The following AKAP13 variants were observed in gnomAD, a reference collection of about 807,000 sequenced individuals.
AKAP13 encodes the protein A-kinase anchoring protein 13.
AKAP13 carries 80 observed loss-of-function variants against 264.5 expected under a neutral mutation model. The observed-to-expected ratio is 0.30, with a 90% confidence interval of 0.25 to 0.36. AKAP13 has a LOEUF of 0.36. AKAP13 is among the 10% of genes least tolerant of loss of function. AKAP13 has a pLI of 1.00. For missense variants in AKAP13, 3,712 were observed against 3,435.2 expected (o/e 1.08, Z -2.01); for synonymous variants, 1,380 against 1,250.2 (o/e 1.10, Z -2.19).
At chr15:85,421,603 ACT>A (rs2072526685) in intron 1 of AKAP13, among the ~76,000 whole-genome samples, 1 of 151,934 alleles carries the variant, frequency 6.6e-6, no homozygotes, top group Non-Finnish European at 1.5e-5. Context: ...GCCTGTGCAC[ACT>A]CTCAACTTTG....
chr15:85,568,673 C>T (rs982123531), intron 5 of AKAP13, among the ~76,000 whole-genome samples: 1 of 152,110 alleles, frequency 6.6e-6, no homozygotes. Flanking sequence ...TTCTGTGGCT[C>T]TTTGCTTTAT....
intron 1 of AKAP13, among the ~76,000 whole-genome samples, chr15:85,395,595 A>C (rs2150818772): frequency 6.6e-6 from 1 of 152,264 alleles, no homozygotes; most frequent in Admixed American, 6.5e-5. Context: ...GTGTTTATTT[A>C]TCTTTTTGAA....
intron 17 of AKAP13, chr15:85,702,178 G>T (rs201414125): frequency 2.0e-5 from 3 of 152,130 alleles, no homozygotes; most frequent in South Asian, 2.1e-4. Context: ...CCCGGGAGGC[G>T]GAGGTTACAG....
chr15:85,538,828 G>A (rs1187513974), intron 4 of AKAP13, among the ~76,000 whole-genome samples: 4 of 144,150 alleles, frequency 2.8e-5, no homozygotes, highest in Non-Finnish European at 6.1e-5. Context: ...AGCTACATTA[G>A]TGTTTGTGTA....
chr15:85,584,738 A>G (rs1476076950), intron 7 of AKAP13, among the ~76,000 whole-genome samples: 2 of 152,230 alleles, frequency 1.3e-5, no homozygotes, highest in African/African-American at 4.8e-5. Context: ...AAATCTTAAT[A>G]TAATTTATTC....
intron 5 of AKAP13, among the ~76,000 whole-genome samples, chr15:85,560,223 T>C (rs2078320040): frequency 6.6e-6 from 1 of 150,918 alleles, no homozygotes; most frequent in African/African-American, 2.4e-5. Flanking sequence ...TAGAGTGCTG[T>C]GGTGAGACCA....
chr15:85,640,602 A>G (rs1212437833), intron 9 of AKAP13, among the ~76,000 whole-genome samples: 1 of 152,144 alleles, frequency 6.6e-6, no homozygotes, highest in East Asian at 1.9e-4. Context: ...TCAGGGTCCA[A>G]GTTTTACAAG....
chr15:85,533,692 A>G lies in AKAP13; in HGVS notation c.290A>G (p.Tyr97Cys), dbSNP rs779331144. 15 of 1,614,096 alleles carry G rather than the reference A, an allele frequency of 9.3e-6. No individual in the cohort carries two copies. In the South Asian group the frequency reaches 1.5e-4, roughly 17 times the overall value. The change falls in exon 4 of 37, where the codon TAT (tyrosine) becomes TGT (cysteine). Residue 97 changes from tyrosine to cysteine, a missense_variant. By Grantham distance (194) the Tyr-to-Cys change is radical. This residue lies in a region of AKAP13 where 2,759 missense variants were observed against 2,411.7 expected (regional missense o/e 1.14). Transcript: ENST00000394518. ...EDFHFVQDEA[Y>C]DAAQFLATSA... ...TTTCATTTCGTCCAGGATGAAGCGT[A>G]TGATGCAGCTCAATTCCTAGCAACC...
At chr15:85,392,057 A>G (rs1481250631) in intron 1 of AKAP13, among the ~76,000 whole-genome samples, 1 of 152,082 alleles carries the variant, frequency 6.6e-6, no homozygotes, top group Non-Finnish European at 1.5e-5. Flanking sequence ...TGCTGGGATT[A>G]CAGGCGTGAG....
intron 1 of AKAP13, among the ~76,000 whole-genome samples, chr15:85,446,127 T>A (rs1433066984): frequency 2.0e-5 from 3 of 152,218 alleles, no homozygotes; most frequent in Admixed American, 2.0e-4. Context: ...CTAGGGAGTT[T>A]GGCTTTAATG....
Position 85,454,741 on chromosome 15 carries a change from A to G in AKAP13, c.-11-30969A>G, listed in dbSNP as rs551881827. 2.2e-4 allele frequency among the ~76,000 whole-genome samples: 34 copies of G among 152,296 alleles called. No homozygotes were observed. The South Asian group carries it at 6.4e-3, about 29-fold the overall frequency. Reference sequence around the variant, plus strand: ...TTTAGTATATCCAGAGAGTTGTTCAACTGTCACTGTGATCAATTTTGAATC... The same window carrying G: ...TTTAGTATATCCAGAGAGTTGTTCAGCTGTCACTGTGATCAATTTTGAATC... On this transcript the variant is annotated intron_variant, in intron 1 of 36. Transcript: ENST00000394518.
chr15:85,613,739 G>A (rs554513105), intron 8 of AKAP13, among the ~76,000 whole-genome samples: 4 of 136,660 alleles, frequency 2.9e-5, no homozygotes, highest in African/African-American at 1.1e-4. Flanking sequence ...ATGGACAGAT[G>A]TCCTACCAGG....
Position 85,727,505 on chromosome 15 carries a change from C to T in AKAP13, c.7087+42C>T. 4.4e-6 allele frequency: 7 copies of T among 1,605,978 alleles called. No individual in the cohort carries two copies. Among genetic ancestry groups the T allele is most frequent in the Non-Finnish European group, 6.0e-6 (7 of 1,173,640 alleles). ...GGTCTGAGCCCCTTGTCTGGAATGT[C>T]TGCAGTTGCAGAAGACTGCTGGTGG... On this transcript the variant is annotated intron_variant, in intron 29 of 36. Transcript: ENST00000394518. This position sits in a 1 kb window ranked among gnomAD's most constrained non-coding sequence, Gnocchi z 5.3.
At chr15:85,609,423 C>T (rs1018628847) in intron 8 of AKAP13, among the ~76,000 whole-genome samples, 2 of 152,202 alleles carry the variant, frequency 1.3e-5, no homozygotes, top group South Asian at 2.1e-4. Flanking sequence ...CTAGGCTCAT[C>T]CATCTTGCCA....
intron 1 of AKAP13, among the ~76,000 whole-genome samples, chr15:85,458,096 C>A (rs959179860): frequency 2.0e-5 from 3 of 150,182 alleles, no homozygotes; most frequent in African/African-American, 7.4e-5. Context: ...GCCGAGATTG[C>A]GCCACTGCAC....
chr15:85,459,310 G>A (rs985642385), intron 1 of AKAP13, among the ~76,000 whole-genome samples: 10 of 146,906 alleles, frequency 6.8e-5, no homozygotes, highest in African/African-American at 2.3e-4. Flanking sequence ...CTCAGCCTCC[G>A]GCATAGCTGG....
chr15:85,637,693 A>C (rs543942902), intron 8 of AKAP13, among the ~76,000 whole-genome samples: 2 of 151,890 alleles, frequency 1.3e-5, no homozygotes, highest in African/African-American at 4.8e-5. Flanking sequence ...TTCTAGTTTC[A>C]TAAGGTAGAA....
chr15:85,725,239 C>T (rs1481909566), intron 26 of AKAP13, among the ~76,000 whole-genome samples: 1 of 152,066 alleles, frequency 6.6e-6, no homozygotes, highest in East Asian at 1.9e-4. Flanking sequence ...CATTTTCACC[C>T]CCAAGTGAAT....
intron 8 of AKAP13, among the ~76,000 whole-genome samples, chr15:85,632,944 C>A (rs1242646032): frequency 6.6e-6 from 1 of 152,064 alleles, no homozygotes; most frequent in Non-Finnish European, 1.5e-5. Context: ...TGGCTCACTG[C>A]AACCTCTGAC....
Sources: gnomAD v4.1 joint callset for allele counts (sites outside exome capture counted in the v4.1 genomes callset) on GRCh38, gnomAD v4.1.1 for gene constraint, gnomAD v4.1.1 regional missense constraint, Gnocchi (gnomAD v3.1) non-coding constraint, MANE v1.5 for transcripts, NCBI Gene and HGNC (gene_info 2026-07-23, HGNC 2026-07-21) for gene names.